The following CR1 variants were observed in gnomAD, a reference collection of about 807,000 sequenced individuals.
CR1 encodes the protein complement C3b/C4b receptor 1 (Knops blood group), also known as complement receptor type 1.
CR1 carries 116 observed loss-of-function variants against 187.3 expected under a neutral mutation model. The ratio of observed to expected loss-of-function variants is 0.62; its 90% CI spans 0.53 to 0.72. The LOEUF (loss-of-function observed/expected upper bound fraction) is 0.72, where lower values mean the gene tolerates loss of function less well. Among genes scored for constraint, CR1 ranks in the 30% least tolerant of loss-of-function variants. The pLI, the probability that CR1 is intolerant of heterozygous loss-of-function variation, is 0.00. For synonymous variants in CR1, 576 were observed against 747.1 expected (o/e 0.77, Z 3.73); for missense variants, 1,731 against 2,110.7 (o/e 0.82, Z 3.52).
At chr1:207,518,294 G>A (rs922456787) in intron 4 of CR1, among the ~76,000 whole-genome samples, 3 of 152,100 alleles carry the variant, frequency 2.0e-5, no homozygotes, top group African/African-American at 7.2e-5. Flanking sequence ...TTGAGACATG[G>A]TTTATTGCCC....
At chr1:207,573,507 A>G (rs1660642184) in intron 27 of CR1, among the ~76,000 whole-genome samples, 1 of 152,004 alleles carries the variant, frequency 6.6e-6, no homozygotes, top group Non-Finnish European at 1.5e-5. Context: ...CATTGAGCTT[A>G]TGAGAAGAAA....
chr1:207,580,479 AT>A (rs1212520193), intron 30 of CR1, 31 bp from the exon 31 acceptor site: 2 of 1,579,476 alleles, frequency 1.3e-6, no homozygotes, highest in South Asian at 1.2e-5. Flanking sequence ...TCTTACTCCT[AT>A]TTTTTCTTTT....
At position 207,525,455 on chromosome 1, in the gene CR1, A is replaced by G. The variant is rs1660137757; in HGVS notation, c.887-1298A>G. On this transcript the variant is annotated intron_variant, in intron 5 of 46. Transcript: ENST00000367049. ...GTAAGCTGCTAGTGCTGCAGGAGCCACCACTGCTGCCAGAATGCAGCTGAT... is the reference window on the plus strand; with the variant it reads ...GTAAGCTGCTAGTGCTGCAGGAGCCGCCACTGCTGCCAGAATGCAGCTGAT... Among the ~76,000 whole-genome samples, 6 of 152,144 alleles carry G rather than the reference A, an allele frequency of 3.9e-5. No individual in the cohort carries two copies. The South Asian group carries it at 1.2e-3, about 32-fold the overall frequency.
At chr1:207,622,510 C>T (rs894472809) in intron 44 of CR1, among the ~76,000 whole-genome samples, 1 of 152,188 alleles carries the variant, frequency 6.6e-6, no homozygotes, top group African/African-American at 2.4e-5. Context: ...GACACTGAGA[C>T]ACAGAGAGTT....
rs374085005 is a variant in CR1, at chr1:207,611,978, G to A, written c.6512G>A (p.Gly2171Asp). The change falls in exon 39 of 47, where the codon GGC (glycine) becomes GAC (aspartate). Residue 2171 changes from glycine (G) to aspartate (D), a missense_variant. This residue lies in a region of CR1 where 1,312 missense variants were observed against 1,379.6 expected (regional missense o/e 0.95). Coordinates refer to ENST00000367049, the MANE Select transcript of CR1 (RefSeq NM_000651.6). Reference sequence around the variant, plus strand: ...GACTTCCTGGGCCAACTCCCTCATGGCCGTGTGCTACTTCCACTTAATCTC... The same window carrying A: ...GACTTCCTGGGCCAACTCCCTCATGACCGTGTGCTACTTCCACTTAATCTC... ...CDDFLGQLPHGRVLLPLNLQL... is the reference protein window; with the variant it reads ...CDDFLGQLPHDRVLLPLNLQL... The A allele has an allele frequency of 6.2e-7, 1 of 1,613,956 alleles. No homozygotes were observed. The highest frequency in any genetic ancestry group is 8.5e-7 in the Non-Finnish European group (1 of 1,179,896).
chr1:207,612,152 G>T (rs1661954770), intron 39 of CR1, 111 bp downstream of exon 39: 2 of 1,132,792 alleles, frequency 1.8e-6, no homozygotes, highest in Non-Finnish European at 2.6e-6. Flanking sequence ...AGTACCCAGA[G>T]AGATTAATTT....
chr1:207,581,247 G>A, intron 31 of CR1, among the ~76,000 whole-genome samples: 1 of 149,958 alleles, frequency 6.7e-6, no homozygotes, highest in African/African-American at 2.5e-5. Context: ...TATACATATG[G>A]ACACGTATAT....
At chr1:207,578,555 T>G (rs561124882) in intron 29 of CR1, among the ~76,000 whole-genome samples, 3 of 152,368 alleles carry the variant, frequency 2.0e-5, no homozygotes, top group South Asian at 2.1e-4. Context: ...ATTTTCTCAT[T>G]CATTATTTAC....
intron 39 of CR1, among the ~76,000 whole-genome samples, chr1:207,612,814 C>G (rs910424154): frequency 6.6e-6 from 1 of 152,238 alleles, no homozygotes; most frequent in Admixed American, 6.5e-5. Context: ...GGCGGCTGGA[C>G]CAGGCATGTC....
intron 34 of CR1, among the ~76,000 whole-genome samples, chr1:207,587,980 T>C (rs1412390933): frequency 6.6e-6 from 1 of 152,180 alleles, no homozygotes; most frequent in Non-Finnish European, 1.5e-5. Context: ...GCTGACACCA[T>C]TAAATGAATG....
intron 1 of CR1, among the ~76,000 whole-genome samples, chr1:207,503,654 T>G (rs977624865): frequency 1.3e-5 from 2 of 152,224 alleles, no homozygotes; most frequent in African/African-American, 4.8e-5. Context: ...AAGGTCCACC[T>G]AGATAACCCA....
intron 1 of CR1, among the ~76,000 whole-genome samples, chr1:207,503,692 A>T (rs1233338732): frequency 6.6e-6 from 1 of 152,228 alleles, no homozygotes; most frequent in Admixed American, 6.5e-5. Context: ...CAAGATTCTT[A>T]ATCACATCTG....
intron 1 of CR1, 117 bp downstream of exon 1, chr1:207,496,505 C>T: frequency 9.2e-7 from 1 of 1,082,668 alleles, no homozygotes; most frequent in Non-Finnish European, 1.3e-6. Flanking sequence ...CCGAAGGCAG[C>T]GCGATGGGTG....
At chr1:207,616,255 A>T (rs374547660) in intron 40 of CR1, among the ~76,000 whole-genome samples, 1 of 152,208 alleles carries the variant, frequency 6.6e-6, no homozygotes, top group African/African-American at 2.4e-5. Context: ...CAGGAATCTT[A>T]CTATGCCTGA....
chr1:207,589,876 AG>A (rs1661220743), intron 35 of CR1, among the ~76,000 whole-genome samples: 1 of 152,250 alleles, frequency 6.6e-6, no homozygotes, highest in African/African-American at 2.4e-5. Context: ...CAGAGATTGA[AG>A]ATCAACTTAA....
At chr1:207,512,108 C>A (rs1238100417) in intron 4 of CR1, among the ~76,000 whole-genome samples, 1 of 152,178 alleles carries the variant, frequency 6.6e-6, no homozygotes, top group Non-Finnish European at 1.5e-5. Flanking sequence ...TATATTTTAA[C>A]CTACTTCTTA....
Position 207,568,068 on chromosome 1 carries a change from T to A in CR1, c.4171+26T>A, listed in dbSNP as rs768356001. On this transcript the variant is annotated intron_variant, in intron 25 of 46. Coordinates refer to ENST00000367049, the MANE Select transcript of CR1 (RefSeq NM_000651.6). ...GTTAGTGCTCATTTCCCCACATCCC[T>A]AATGGGTTCAGAATATCTAACCCAG... 4.5e-4 allele frequency: 718 copies of A among 1,609,438 alleles called. 26 individuals are homozygous for A. The highest frequency in any genetic ancestry group is 2.1e-3 in the African/African-American group (152 of 72,148).
At chr1:207,505,646 C>T (rs545019990) in intron 1 of CR1, among the ~76,000 whole-genome samples, 23 of 152,028 alleles carry the variant, frequency 1.5e-4, no homozygotes, top group African/African-American at 5.1e-4. Context: ...ACCAGCCTGG[C>T]CAACATGGTA....
At chr1:207,600,005 T>G (rs957946793) in intron 35 of CR1, among the ~76,000 whole-genome samples, 2 of 152,244 alleles carry the variant, frequency 1.3e-5, no homozygotes, top group Non-Finnish European at 2.9e-5. Context: ...GCAAAATTTT[T>G]TGTCAAGAGC....
Sources: gnomAD v4.1 joint callset for allele counts (sites outside exome capture counted in the v4.1 genomes callset) on GRCh38, gnomAD v4.1.1 for gene constraint, gnomAD v4.1.1 regional missense constraint, MANE v1.5 for transcripts, NCBI Gene and HGNC (gene_info 2026-07-23, HGNC 2026-07-21) for gene names.